Variants in LSAMP observed in about 807,000 individuals in gnomAD.
The protein encoded by LSAMP is limbic system associated membrane protein.
Under a neutral mutation model 38.6 loss-of-function variants are expected in LSAMP, and 7 were observed. The ratio of observed to expected loss-of-function variants is 0.18; its 90% confidence interval spans 0.10 to 0.34. LSAMP has a LOEUF of 0.34. LSAMP is among the 10% of genes least tolerant of loss of function. The pLI, the probability that LSAMP is intolerant of heterozygous loss-of-function variation, is 1.00. For synonymous variants in LSAMP, 154 were observed against 166.8 expected (o/e 0.92, Z 0.59); for missense variants, 313 against 420.0 (o/e 0.75, Z 2.23).
At position 116,208,019 on chromosome 3, in the gene LSAMP, C is replaced by A. The variant is rs1271783976; in HGVS notation, c.156-121463G>T. On this transcript the variant is annotated intron_variant, in intron 1 of 6. Coordinates refer to ENST00000490035, the MANE Select transcript of LSAMP (RefSeq NM_002338.5). ...GTTTTCCAACTTGGTTCCATTCTCCCCATCACTTTCAGGTACACCAATCAG... is the reference window on the plus strand; with the variant it reads ...GTTTTCCAACTTGGTTCCATTCTCCACATCACTTTCAGGTACACCAATCAG... Among the ~76,000 whole-genome samples, 59 of 149,544 alleles carry A rather than the reference C, an allele frequency of 3.9e-4. 1 individual carries two copies. Among genetic ancestry groups the A allele is most frequent in the Non-Finnish European group, 3.9e-4 (26 of 66,880 alleles).
At chr3:116,008,817 C>T (rs535387938) in intron 3 of LSAMP, among the ~76,000 whole-genome samples, 52 of 152,232 alleles carry the variant, frequency 3.4e-4, no homozygotes, top group African/African-American at 1.3e-3. Context: ...ATACTAAGGA[C>T]AGCAGCTTTC....
At chr3:116,159,396 G>A (rs1056631726) in intron 1 of LSAMP, among the ~76,000 whole-genome samples, 2 of 151,968 alleles carry the variant, frequency 1.3e-5, no homozygotes, top group Non-Finnish European at 2.9e-5. Flanking sequence ...AAGAAACTTA[G>A]ACAAATTGAA....
chr3:116,269,411 T>G (rs2046940340), intron 1 of LSAMP, among the ~76,000 whole-genome samples: 2 of 152,136 alleles, frequency 1.3e-5, no homozygotes, highest in Admixed American at 1.3e-4. Context: ...GTACTCACAG[T>G]TGGATCTCTG....
intron 2 of LSAMP, among the ~76,000 whole-genome samples, chr3:116,063,813 A>G (rs1256727544): frequency 1.3e-5 from 2 of 152,218 alleles, no homozygotes; most frequent in Non-Finnish European, 2.9e-5. Flanking sequence ...TTGCAAAAAA[A>G]ACTACAAAAA....
At chr3:116,113,527 G>C (rs1708671922) in intron 1 of LSAMP, among the ~76,000 whole-genome samples, 1 of 138,306 alleles carries the variant, frequency 7.2e-6, no homozygotes, top group Non-Finnish European at 1.5e-5. Context: ...CCGGGTTCAC[G>C]CCATTCTCCT....
chr3:115,940,291 C>T (rs1203731446), intron 3 of LSAMP, among the ~76,000 whole-genome samples: 2 of 152,192 alleles, frequency 1.3e-5, no homozygotes, highest in Non-Finnish European at 2.9e-5. Flanking sequence ...AGCTTTTATT[C>T]CCTTATTTGG....
intron 1 of LSAMP, among the ~76,000 whole-genome samples, chr3:116,121,999 C>T (rs997005658): frequency 6.6e-6 from 1 of 151,330 alleles, no homozygotes; most frequent in African/African-American, 2.4e-5. Flanking sequence ...AGATTGGCCA[C>T]CCCTGTTCTA....
chr3:115,938,652 A>C (rs1937792502), intron 3 of LSAMP, among the ~76,000 whole-genome samples: 1 of 152,174 alleles, frequency 6.6e-6, no homozygotes, highest in Non-Finnish European at 1.5e-5. Context: ...CCCATGTATA[A>C]AATTCAGGTA....
intron 2 of LSAMP, chr3:116,051,369 T>C (rs1213063800): frequency 1.3e-5 from 2 of 152,238 alleles, no homozygotes; most frequent in Non-Finnish European, 2.9e-5. Flanking sequence ...AATCTTCTCC[T>C]GAGATGACTT....
intron 1 of LSAMP, among the ~76,000 whole-genome samples, chr3:116,366,996 A>G (rs1183519036): frequency 1.3e-5 from 2 of 152,208 alleles, no homozygotes; most frequent in Non-Finnish European, 1.5e-5. Context: ...TGGTATATCT[A>G]AAACCTGTAA....
At chr3:116,119,895 G>A (rs964904988) in intron 1 of LSAMP, among the ~76,000 whole-genome samples, 10 of 151,986 alleles carry the variant, frequency 6.6e-5, no homozygotes, top group Admixed American at 5.9e-4. Context: ...TCTGGACCTC[G>A]TGATCCATTT....
chr3:116,293,453 C>A, intron 1 of LSAMP, among the ~76,000 whole-genome samples: 1 of 151,928 alleles, frequency 6.6e-6, no homozygotes, highest in Non-Finnish European at 1.5e-5. Context: ...GCAGAAATCC[C>A]AACTGTTCTT....
intron 3 of LSAMP, among the ~76,000 whole-genome samples, chr3:115,984,482 AAAGTGTGAG>A (rs1939455464): frequency 6.6e-6 from 1 of 152,196 alleles, no homozygotes; most frequent in Non-Finnish European, 1.5e-5. Context: ...CTATAGGTAC[AAAGTGTGAG>A]GGATTTAGCT....
At chr3:116,340,971 C>T (rs1027391024) in intron 1 of LSAMP, among the ~76,000 whole-genome samples, 2 of 151,856 alleles carry the variant, frequency 1.3e-5, no homozygotes, top group Admixed American at 1.3e-4. Flanking sequence ...ATCCTCAGTC[C>T]CCCTATAAAA....
At position 116,197,163 on chromosome 3, in the gene LSAMP, A is replaced by T. The variant is rs202081558; in HGVS notation, c.156-110607T>A. ...CACACACACACACACACACACACAC[A>T]CTCTCTCTCTCTCTCACTCACTTTG... is the stretch of plus-strand genomic sequence containing the variant. On this transcript the variant is annotated intron_variant, in intron 1 of 6. Transcript: ENST00000490035. 9.1e-3 allele frequency among the ~76,000 whole-genome samples: 1,267 copies of T among 139,178 alleles called. 13 individuals carry two copies. The highest frequency in any genetic ancestry group is 0.028 in the East Asian group (113 of 3,980). 91.3% of individuals were successfully genotyped at this position (139,178 alleles called of 152,430 possible).
At chr3:116,301,653 C>G (rs958610994) in intron 1 of LSAMP, among the ~76,000 whole-genome samples, 1 of 152,144 alleles carries the variant, frequency 6.6e-6, no homozygotes, top group African/African-American at 2.4e-5. Flanking sequence ...GGAGATATAA[C>G]TGGGCCCCAT....
chr3:115,818,805 T>C lies in LSAMP; in HGVS notation c.920-8391A>G, dbSNP rs1376427816. ...AGTTGTACTTTTATATATATATATATATATATATATATATATAACTGCAGC... is the reference window on the plus strand; with the variant it reads ...AGTTGTACTTTTATATATATATATACATATATATATATATATAACTGCAGC... On this transcript the variant is annotated intron_variant, in intron 6 of 6. Coordinates refer to ENST00000490035, the MANE Select transcript of LSAMP (RefSeq NM_002338.5). Among the ~76,000 whole-genome samples, 25 of 115,146 alleles carry C rather than the reference T, an allele frequency of 2.2e-4. 1 individual carries two copies. The highest frequency in any genetic ancestry group is 3.2e-4 in the South Asian group (1 of 3,136). 75.5% of individuals were successfully genotyped at this position (115,146 alleles called of 152,430 possible).
At chr3:116,168,322 G>T (rs1330757441) in intron 1 of LSAMP, among the ~76,000 whole-genome samples, 2 of 151,998 alleles carry the variant, frequency 1.3e-5, no homozygotes, top group African/African-American at 2.4e-5. Context: ...CAGAACTATA[G>T]CTGCATTTCC....
At chr3:115,901,973 T>C (rs563759603) in intron 3 of LSAMP, among the ~76,000 whole-genome samples, 46 of 151,990 alleles carry the variant, frequency 3.0e-4, no homozygotes, top group African/African-American at 1.1e-3. Context: ...AATGATAAAA[T>C]TTAACTAGAT....
Sources: gnomAD v4.1 joint callset for allele counts (sites outside exome capture counted in the v4.1 genomes callset) on GRCh38, gnomAD v4.1.1 for gene constraint, MANE v1.5 for transcripts, NCBI Gene and HGNC (gene_info 2026-07-23, HGNC 2026-07-21) for gene names.